Variants in PSG1 observed in about 807,000 individuals in gnomAD.
PSG1 encodes the protein pregnancy specific beta-1-glycoprotein 1, also known as pregnancy-specific beta-1-glycoprotein 1.
PSG1 carries 60 observed loss-of-function variants against 41.4 expected under a neutral mutation model. That is an observed-to-expected ratio of 1.45 (90% CI 1.18 to 1.80). The LOEUF is 1.80. PSG1 is among the 40% of genes most tolerant of loss of function. The pLI is 0.00. For missense variants in PSG1, 806 were observed against 516.9 expected (o/e 1.56, Z -5.42); for synonymous variants, 256 against 192.9 (o/e 1.33, Z -2.71).
At chr19:42,877,270 C>T (rs1289764480) in intron 2 of PSG1, among the ~76,000 whole-genome samples, 5 of 151,618 alleles carry the variant, frequency 3.3e-5, no homozygotes, top group Non-Finnish European at 7.4e-5. Flanking sequence ...CCTCCTAAGG[C>T]AGTTGGGTGA....
chr19:42,869,064 T>C lies in PSG1; in HGVS notation c.710-30A>G, dbSNP rs773749616. 2.5e-6 allele frequency: 4 copies of C among 1,596,878 alleles called. No homozygotes were observed. In the African/African-American group the frequency reaches 4.0e-5, roughly 16 times the overall value. ...GTGGATAACAGAGAGAAGATTGTCC[T>C]GTGTGGCACCTTTGATTCCTCCACA... On this transcript the variant is annotated intron_variant, in intron 3 of 5. Transcript: ENST00000436291.
intron 5 of PSG1, 108 bp downstream of exon 5, chr19:42,867,993 T>C: frequency 1.2e-6 from 2 of 1,605,812 alleles, no homozygotes; most frequent in East Asian, 4.5e-5. Flanking sequence ...GATTTGCTTG[T>C]GCCCATGGGA....
At position 42,878,756 on chromosome 19, in the gene PSG1, C is replaced by T. The variant is rs528248418; in HGVS notation, c.65-478G>A. On this transcript the variant is annotated intron_variant, in intron 1 of 5. Transcript: ENST00000436291. ...ATCTCTTTGCATGTCTGTCTTCCCC[C>T]CCATGACAGCGTGAGCTCCGTGAAG... Among the ~76,000 whole-genome samples, 84 of 150,232 alleles carry T rather than the reference C, an allele frequency of 5.6e-4. 1 individual carries two copies. Among genetic ancestry groups the T allele is most frequent in the African/African-American group, 1.3e-3 (53 of 40,624 alleles).
At chr19:42,872,469 G>C (rs1971435077) in intron 2 of PSG1, among the ~76,000 whole-genome samples, 1 of 151,678 alleles carries the variant, frequency 6.6e-6, no homozygotes, top group Non-Finnish European at 1.5e-5. Flanking sequence ...CCCTTGCCAA[G>C]GACATCCTAG....
intron 2 of PSG1, among the ~76,000 whole-genome samples, chr19:42,873,163 C>T (rs549598111): frequency 5.9e-5 from 9 of 151,682 alleles, no homozygotes; most frequent in Non-Finnish European, 1.0e-4. Context: ...ATCTCCTGTA[C>T]AGCCTCATGC....
In PSG1 at chr19:42,868,813, C is replaced by T. The variant is rs1971253792; in HGVS notation, c.931G>A (p.Glu311Lys). 2 of 1,611,926 alleles carry T rather than the reference C, an allele frequency of 1.2e-6. No individual in the cohort carries two copies. ...TRNETGPYQC[E>K]IRDRYGGIRS... is the part of the protein sequence containing the mutation. ...ATGCCACCATATCGGTCCCGTATTT[C>T]ACATTGATAGGGTCCTGTTTCATTT... is the stretch of plus-strand genomic sequence containing the variant. The change falls in exon 4 of 6, where the codon GAA (glutamate) becomes AAA (lysine). Residue 311 changes from glutamate (E) to lysine (K), a missense_variant. Transcript: ENST00000436291.
chr19:42,871,846 A>G lies in PSG1; in HGVS notation c.630T>C (p.Tyr210=), dbSNP rs1058699. 56 of 1,612,590 alleles carry G rather than the reference A, an allele frequency of 3.5e-5. 2 individuals are homozygous for G. In the Middle Eastern group the frequency reaches 4.3e-3, roughly 124 times the overall value. Residue 210 remains tyrosine (Y), a synonymous_variant, in exon 3 of 6, where the codon TAT becomes TAC. Transcript: ENST00000436291. ...RTLFLLGVTK[Y]TAGPYECEIR... ...TTTCACATTCATAGGGTCCTGCAGT[A>G]TACTTTGTGACACCCAATAGAAAGA... is the stretch of plus-strand genomic sequence containing the variant.
rs547195416 is a variant in PSG1, at chr19:42,868,453, C to T, written c.989-98G>A. Reference sequence around the variant, plus strand: ...CACAGTGACCCTCTGAGCCAAGACACACCCTCAAGTCCCAGCCCAACCCCC... The same window carrying T: ...CACAGTGACCCTCTGAGCCAAGACATACCCTCAAGTCCCAGCCCAACCCCC... On this transcript the variant is annotated intron_variant, in intron 4 of 5. Coordinates refer to ENST00000436291, the MANE Select transcript of PSG1 (RefSeq NM_001184825.2). 6.8e-4 allele frequency: 1,002 copies of T among 1,482,192 alleles called. 21 individuals carry two copies. In the African/African-American group the frequency reaches 0.012, roughly 18 times the overall value. 91.8% of individuals were successfully genotyped at this position (1,482,192 alleles called of 1,614,324 possible).
chr19:42,869,297 G>A, intron 3 of PSG1: 2 of 737,152 alleles, frequency 2.7e-6, no homozygotes, highest in East Asian at 3.0e-5. Context: ...ACACGTCAGT[G>A]GGAGTCACAG....
intron 3 of PSG1, among the ~76,000 whole-genome samples, chr19:42,871,512 C>T (rs1228270530): frequency 6.6e-6 from 1 of 151,716 alleles, no homozygotes; most frequent in Non-Finnish European, 1.5e-5. Flanking sequence ...AGATCTGGAG[C>T]CTGAGACCTT....
intron 3 of PSG1, chr19:42,870,737 G>T (rs1436981934): frequency 6.6e-6 from 1 of 151,654 alleles, no homozygotes; most frequent in African/African-American, 2.4e-5. Context: ...CCATGAAAAT[G>T]AAATGTCTTT....
At chr19:42,872,270 T>C (rs1167096940) in intron 2 of PSG1, among the ~76,000 whole-genome samples, 2 of 151,514 alleles carry the variant, frequency 1.3e-5, no homozygotes, top group Admixed American at 1.3e-4. Flanking sequence ...CAAGTGTGAA[T>C]TGAGCAGCAG....
intron 2 of PSG1, among the ~76,000 whole-genome samples, chr19:42,877,545 C>G (rs1391839347): frequency 2.6e-5 from 4 of 151,714 alleles, no homozygotes; most frequent in Admixed American, 1.3e-4. Context: ...TAGGGCTGAG[C>G]TTCTCTGAGA....
At position 42,868,471 on chromosome 19, in the gene PSG1, C is replaced by T. The variant is rs1384107551; in HGVS notation, c.989-116G>A. On this transcript the variant is annotated intron_variant, in intron 4 of 5. Transcript: ENST00000436291. ...CAAGACACACCCTCAAGTCCCAGCC[C>T]AACCCCCTCTATGTTCACTGAGCCG... 6.2e-5 allele frequency: 92 copies of T among 1,480,116 alleles called. 4 individuals carry two copies. Among genetic ancestry groups the T allele is most frequent in the Non-Finnish European group, 7.9e-5 (87 of 1,103,556 alleles). The allele number at this position is 1,480,116 out of a possible 1,614,324, so 91.7% of individuals were successfully genotyped here. A position where few individuals can be genotyped will look rare whatever the true frequency, so the allele number is the denominator to read the frequency against.
Position 42,867,090 on chromosome 19 carries a change from A to T in PSG1, c.*44T>A, listed in dbSNP as rs368660258. 1.8e-5 allele frequency: 14 copies of T among 772,772 alleles called. No individual in the cohort carries two copies. Among genetic ancestry groups the T allele is most frequent in the African/African-American group, 1.2e-4 (7 of 58,938 alleles). The allele number at this position is 772,772 out of a possible 1,614,324, so 47.9% of individuals were successfully genotyped here. A position where few individuals can be genotyped will look rare whatever the true frequency, so the allele number is the denominator to read the frequency against. On this transcript the variant is annotated 3_prime_UTR_variant, in exon 6 of 6. Transcript: ENST00000436291. Reference sequence around the variant, plus strand: ...CTGGAACAGAGTGGGTCTTGCTCTTAGTGATTCCATGGGAGAAAATGGAAT... The same window carrying T: ...CTGGAACAGAGTGGGTCTTGCTCTTTGTGATTCCATGGGAGAAAATGGAAT...
rs146172041 is a variant in PSG1, at chr19:42,878,161, T to C, written c.182A>G (p.Asn61Ser). 0.012 allele frequency: 19,701 copies of C among 1,612,104 alleles called. 598 individuals carry two copies. Among genetic ancestry groups the C allele is most frequent in the Non-Finnish European group, 0.013 (15,803 of 1,179,128 alleles). ...VLLLVHNLPQ[N>S]LTGYIWYKGQ... Reference sequence around the variant, plus strand: ...TTTGTACCAGATGTAGCCGGTAAGATTCTGGGGCAAATTGTGGACAAGTAG... The same window carrying C: ...TTTGTACCAGATGTAGCCGGTAAGACTCTGGGGCAAATTGTGGACAAGTAG... Residue 61 changes from asparagine (N) to serine (S), a missense_variant, in exon 2 of 6, where the codon AAT becomes AGT. Physicochemically the swap from Asn to Ser is conservative, Grantham distance 46 (BLOSUM62 1). Transcript: ENST00000436291.
At position 42,879,657 on chromosome 19, in the gene PSG1, C is replaced by A. The variant is rs181255088; in HGVS notation, c.-76G>T. On this transcript the variant is annotated 5_prime_UTR_variant, in exon 1 of 6. Transcript: ENST00000436291. ...GAAACTCTCTGAGCACGGCTGTCAG[C>A]TGTGCTGTCCTTCCTCTTTCTGTGC... 86 of 1,572,564 alleles carry A rather than the reference C, an allele frequency of 5.5e-5. 2 individuals carry two copies. In the Middle Eastern group the frequency reaches 2.0e-3, roughly 37 times the overall value.
At position 42,867,149 on chromosome 19, in the gene PSG1, G is replaced by T; in HGVS notation, c.1245C>A (p.Asp415Glu). 1 of 768,790 alleles carries T rather than the reference G, an allele frequency of 1.3e-6. No individual in the cohort carries two copies. The highest frequency in any genetic ancestry group is 2.4e-6 in the Non-Finnish European group (1 of 417,454). The allele number at this position is 768,790 out of a possible 1,614,324, so 47.6% of individuals were successfully genotyped here. A position where few individuals can be genotyped will look rare whatever the true frequency, so the allele number is the denominator to read the frequency against. ...CTAGTAGAATTCAGGGAACTGTCCA[G>T]TCTACAGGTGGATAATAAAAACACA... ...SSKSMTVEVS[D>E]WTVP Residue 415 changes from aspartate (D) to glutamate (E), a missense_variant and splice_region_variant, in exon 6 of 6, where the codon GAC becomes GAA. By Grantham distance (45) the Asp-to-Glu change is conservative. Transcript: ENST00000436291.
chr19:42,868,060 C>A (rs967034629), intron 5 of PSG1, 41 bp downstream of exon 5: 1 of 1,611,968 alleles, frequency 6.2e-7, no homozygotes, highest in Non-Finnish European at 8.5e-7. Context: ...AGATAGACTC[C>A]ACCTAAAACC....
Sources: allele counts gnomAD v4.1 joint callset (sites outside exome capture counted in the v4.1 genomes callset), GRCh38; gene constraint gnomAD v4.1.1; transcripts MANE v1.5; gene names NCBI Gene and HGNC (gene_info 2026-07-23, HGNC 2026-07-21).